COL25A1: variants seen among roughly 807,000 people sequenced by gnomAD.
COL25A1 encodes collagen type XXV alpha 1 chain.
COL25A1 carries 103 observed loss-of-function variants against 128.4 expected under a neutral mutation model. The observed-to-expected ratio is 0.80, with a 90% CI of 0.68 to 0.94. The LOEUF (loss-of-function observed/expected upper bound fraction) is 0.94. Ranked by LOEUF, COL25A1 falls within the 40% of genes least tolerant of loss-of-function variation. The pLI is 0.00. For synonymous variants in COL25A1, 279 were observed against 277.2 expected, an observed-to-expected ratio of 1.01 and a Z score of -0.06; for missense variants, 745 against 840.0, an observed-to-expected ratio of 0.89 and a Z score of 1.40.
chr4:109,005,751 G>T (rs1755904090), intron 6 of COL25A1, among the ~76,000 whole-genome samples: 1 of 152,160 alleles, frequency 6.6e-6, no homozygotes, highest in South Asian at 2.1e-4. Flanking sequence ...TAGAAACCTT[G>T]CACAGATGAC....
chr4:109,084,477 A>T (rs1178419730), intron 3 of COL25A1, among the ~76,000 whole-genome samples: 3 of 152,238 alleles, frequency 2.0e-5, no homozygotes, highest in Non-Finnish European at 2.9e-5. Flanking sequence ...TTCACTGCAA[A>T]TTCACAAAAT....
At chr4:108,848,100 T>C (rs533382869) in intron 27 of COL25A1, among the ~76,000 whole-genome samples, 10 of 152,174 alleles carry the variant, frequency 6.6e-5, no homozygotes, top group African/African-American at 1.2e-4. Context: ...GGATTGTTTT[T>C]GTACAGAGTG....
Position 108,810,877 on chromosome 4 carries a change from C to G in COL25A1, c.*3050G>C, listed in dbSNP as rs1018797962. 2 of 151,920 alleles carry G rather than the reference C, an allele frequency of 1.3e-5. No homozygotes were observed. Among genetic ancestry groups the G allele is most frequent in the African/African-American group, 4.8e-5 (2 of 41,392 alleles). 9.4% of individuals were successfully genotyped at this position (151,920 alleles called of 1,614,324 possible). On this transcript the variant is annotated 3_prime_UTR_variant, in exon 38 of 38. Transcript: ENST00000399132. Reference sequence around the variant, plus strand: ...TATTAAACAGGGAAATAAAATTATCCATAGTAGTTGTATTGTCCATAGAGA... The same window carrying G: ...TATTAAACAGGGAAATAAAATTATCGATAGTAGTTGTATTGTCCATAGAGA...
intron 31 of COL25A1, among the ~76,000 whole-genome samples, chr4:108,832,974 A>AAATAAATAAATAAATAAATAC (rs1733331880): frequency 9.1e-6 from 1 of 110,074 alleles, no homozygotes; most frequent in Non-Finnish European, 2.0e-5. Context: ...CTCAAAAAAT[A>AAATAAATAAATAAATAAATAC]ATAAATAAAT....
At chr4:109,197,105 C>T (rs1776103956) in intron 3 of COL25A1, among the ~76,000 whole-genome samples, 1 of 151,502 alleles carries the variant, frequency 6.6e-6, no homozygotes, top group Non-Finnish European at 1.5e-5. Flanking sequence ...ATCACTTGAG[C>T]TCAGGAGCTT....
At chr4:108,992,298 A>G (rs372260413) in intron 6 of COL25A1, among the ~76,000 whole-genome samples, 23 of 152,232 alleles carry the variant, frequency 1.5e-4, no homozygotes, top group Non-Finnish European at 4.4e-5. Flanking sequence ...GTTGAAGGCC[A>G]TTAATACAAT....
chr4:109,260,736 T>C (rs1578574884), intron 3 of COL25A1, among the ~76,000 whole-genome samples: 1 of 152,112 alleles, frequency 6.6e-6, no homozygotes, highest in South Asian at 2.1e-4. Context: ...CCTCAAGAAA[T>C]CCGCATGCCT....
intron 32 of COL25A1, among the ~76,000 whole-genome samples, chr4:108,829,285 T>A (rs1449865249): frequency 1.3e-5 from 2 of 152,094 alleles, no homozygotes; most frequent in Non-Finnish European, 2.9e-5. Context: ...GGAGGATCAT[T>A]TGAGGCCAGG....
chr4:108,937,783 GA>G, intron 11 of COL25A1, 24 bp downstream of exon 11: 2 of 1,591,140 alleles, frequency 1.3e-6, no homozygotes, highest in Non-Finnish European at 1.7e-6. Flanking sequence ...GCTTAGTATA[GA>G]AAAAGATAAA....
intron 32 of COL25A1, among the ~76,000 whole-genome samples, chr4:108,828,914 A>T (rs1452690): frequency 1 from 152,208 of 152,332 alleles, 76,042 homozygotes; most frequent in Middle Eastern, 1. Context: ...CAGGTCCCTG[A>T]TAGCATTTTC....
chr4:109,135,106 T>C (rs968951918), intron 3 of COL25A1, among the ~76,000 whole-genome samples: 5 of 148,766 alleles, frequency 3.4e-5, no homozygotes, highest in Non-Finnish European at 7.4e-5. Context: ...AAGGTGGTGA[T>C]CAAGTGTGAA....
intron 12 of COL25A1, among the ~76,000 whole-genome samples, 171 bp from the exon 13 acceptor site, chr4:108,918,387 C>T (rs897964687): frequency 6.6e-6 from 1 of 152,164 alleles, no homozygotes; most frequent in Non-Finnish European, 1.5e-5. Context: ...CCTCAAGCTT[C>T]CCCAGAAACT....
intron 3 of COL25A1, among the ~76,000 whole-genome samples, chr4:109,142,440 G>A (rs1770502802): frequency 6.6e-6 from 1 of 152,226 alleles, no homozygotes; most frequent in South Asian, 2.1e-4. Context: ...GGTCTGCTTG[G>A]TCCAGAGCTG....
chr4:109,050,676 A>G (rs185778383), intron 3 of COL25A1, among the ~76,000 whole-genome samples: 54 of 152,216 alleles, frequency 3.5e-4, no homozygotes, highest in African/African-American at 1.2e-3. Context: ...AATAATCCTT[A>G]CAAATATTTA....
chr4:109,183,535 C>A (rs1034978102), intron 3 of COL25A1, among the ~76,000 whole-genome samples: 3 of 152,066 alleles, frequency 2.0e-5, no homozygotes, highest in Non-Finnish European at 4.4e-5. Context: ...GATTTCAAAT[C>A]TAGGAGGTAA....
Position 108,997,115 on chromosome 4 carries a change from A to T in COL25A1, c.438+13243T>A, listed in dbSNP as rs553878199. 4.6e-5 allele frequency among the ~76,000 whole-genome samples: 7 copies of T among 152,352 alleles called. 1 individual carries two copies. In the South Asian group the frequency reaches 1.5e-3, roughly 32 times the overall value. ...TTCAAAGGCTACCAGAAGGCAAGAAATAACTAAGATCAGAGCAGAACTGAA... is the reference window on the plus strand; with the variant it reads ...TTCAAAGGCTACCAGAAGGCAAGAATTAACTAAGATCAGAGCAGAACTGAA... On this transcript the variant is annotated intron_variant, in intron 6 of 37. Coordinates refer to ENST00000399132, the MANE Select transcript of COL25A1 (RefSeq NM_198721.4).
chr4:109,062,600 T>C (rs1452582917), intron 3 of COL25A1, among the ~76,000 whole-genome samples: 4 of 152,044 alleles, frequency 2.6e-5, no homozygotes, highest in Non-Finnish European at 5.9e-5. Flanking sequence ...ATATATTCAA[T>C]AGAATACATT....
intron 5 of COL25A1, among the ~76,000 whole-genome samples, chr4:109,046,914 C>T (rs1266925382): frequency 6.6e-6 from 1 of 152,142 alleles, no homozygotes; most frequent in Non-Finnish European, 1.5e-5. Context: ...AGTATAAACA[C>T]TGGGGTCAGA....
intron 3 of COL25A1, among the ~76,000 whole-genome samples, chr4:109,072,533 T>G (rs1763055009): frequency 6.6e-6 from 1 of 152,176 alleles, no homozygotes; most frequent in African/African-American, 2.4e-5. Flanking sequence ...GATCCCAGAT[T>G]TTAGAACTCT....
Sources: allele counts gnomAD v4.1 joint callset (sites outside exome capture counted in the v4.1 genomes callset), GRCh38; gene constraint gnomAD v4.1.1; transcripts MANE v1.5; gene names NCBI Gene and HGNC (gene_info 2026-07-23, HGNC 2026-07-21).